Variants in KPNA1 observed in about 807,000 individuals in gnomAD.
KPNA1 encodes importin subunit alpha-5.
In KPNA1, 10 loss-of-function variants were observed where a neutral mutation model predicts 70.5. That is an observed-to-expected ratio of 0.14 (90% CI 0.09 to 0.24). KPNA1 has a LOEUF of 0.24. KPNA1 is among the 10% of genes least tolerant of loss of function. The probability of loss-of-function intolerance (pLI) is 1.00; values close to 1 mark genes in which losing one functional copy is unlikely to be tolerated. For synonymous variants in KPNA1, 192 were observed against 221.9 expected, an observed-to-expected ratio of 0.87 and a Z score of 1.20; for missense variants, 397 against 637.9, an observed-to-expected ratio of 0.62 and a Z score of 4.07.
intron 1 of KPNA1, among the ~76,000 whole-genome samples, chr3:122,502,714 T>C (rs2076842566): frequency 6.6e-6 from 1 of 151,946 alleles, no homozygotes; most frequent in African/African-American, 2.4e-5. Flanking sequence ...TATTTAAAGG[T>C]GATGAAAAAT....
intron 9 of KPNA1, among the ~76,000 whole-genome samples, chr3:122,445,810 A>G (rs921763340): frequency 6.6e-6 from 1 of 152,180 alleles, no homozygotes; most frequent in Non-Finnish European, 1.5e-5. Context: ...GGCTCAAAAT[A>G]AAGGGATGGA....
intron 2 of KPNA1, among the ~76,000 whole-genome samples, chr3:122,491,964 C>T (rs867140775): frequency 6.7e-6 from 1 of 149,350 alleles, no homozygotes; most frequent in Non-Finnish European, 1.5e-5. Context: ...CGGGTTCACG[C>T]CATTCTCCTG....
rs1265244880 is a variant in KPNA1 at position 122,467,411 on chromosome 3, C to T, written c.148G>A (p.Val50Ile). The T allele has an allele frequency of 1.6e-5, 26 of 1,606,348 alleles. 1 individual carries two copies. The highest frequency in any genetic ancestry group is 2.2e-5 in the Non-Finnish European group (26 of 1,174,676). ...REEQLFKRRN[V>I]ATAEEETEEE... is the part of the protein sequence containing the mutation. ...TCTGTTTCTTCTTCTGCTGTAGCAA[C>T]ATTTCTCCGCTTGAATAACTGAAAG... Residue 50 changes from valine to isoleucine, a missense_variant, in exon 3 of 14, where the codon GTT (valine) becomes ATT (isoleucine). Physicochemically the swap from Val to Ile is conservative, Grantham distance 29. Transcript: ENST00000344337.
At chr3:122,496,172 T>C (rs72960415) in intron 2 of KPNA1, among the ~76,000 whole-genome samples, 2,514 of 152,208 alleles carry the variant, frequency 0.017, 69 homozygotes, top group African/African-American at 0.058. Context: ...TAAAATACAC[T>C]AAACACAAAT....
At chr3:122,468,734 C>G (rs2076409170) in intron 2 of KPNA1, among the ~76,000 whole-genome samples, 1 of 151,978 alleles carries the variant, frequency 6.6e-6, no homozygotes, top group Admixed American at 6.6e-5. Flanking sequence ...AACAGATAGG[C>G]AATGTAAGGA....
intron 9 of KPNA1, 63 bp from the exon 10 acceptor site, chr3:122,442,179 G>C (rs758311485): frequency 5.2e-6 from 7 of 1,355,098 alleles, no homozygotes; most frequent in Non-Finnish European, 7.3e-6. Flanking sequence ...TTCCTTCCAA[G>C]ACCAAAATTA....
At chr3:122,452,717 A>AGGAGGGAAGGAGAGAC (rs1256424153) in intron 6 of KPNA1, among the ~76,000 whole-genome samples, 7 of 110,198 alleles carry the variant, frequency 6.4e-5, no homozygotes, top group East Asian at 4.7e-4. Context: ...GACGGAGGGA[A>AGGAGGGAAGGAGAGAC]GGAGGGAAGG....
At position 122,467,432 on chromosome 3, in the gene KPNA1, GA is replaced by G. The variant is rs777941848; in HGVS notation, c.130-4del. 6.3e-7 allele frequency: 1 copy of G among 1,579,940 alleles called. No individual in the cohort carries two copies. Among genetic ancestry groups the G allele is most frequent in the Non-Finnish European group, 8.7e-7 (1 of 1,152,158 alleles). On this transcript the variant is annotated splice_region_variant and splice_polypyrimidine_tract_variant and intron_variant, in intron 2 of 13. Coordinates refer to ENST00000344337, the MANE Select transcript of KPNA1 (RefSeq NM_002264.4). Reference sequence around the variant, plus strand: ...GCAACATTTCTCCGCTTGAATAACTGAAAGATAAAAGATTGGTAGCAATGTA... The same window carrying G: ...GCAACATTTCTCCGCTTGAATAACTGAAGATAAAAGATTGGTAGCAATGTA...
intron 5 of KPNA1, chr3:122,459,854 A>T: frequency 1.0e-6 from 1 of 985,498 alleles, no homozygotes; most frequent in African/African-American, 1.7e-5. Context: ...AAGAAGGGAT[A>T]GGAGGAAAGG....
chr3:122,462,457 C>T (rs2076334778), intron 4 of KPNA1, among the ~76,000 whole-genome samples: 1 of 151,988 alleles, frequency 6.6e-6, no homozygotes, highest in Admixed American at 6.5e-5. Flanking sequence ...AAGAAGGTAA[C>T]CTCTCACCAT....
intron 1 of KPNA1, among the ~76,000 whole-genome samples, chr3:122,513,134 C>T (rs764530503): frequency 6.6e-6 from 1 of 152,130 alleles, no homozygotes; most frequent in Non-Finnish European, 1.5e-5. Context: ...ATTTAAATGG[C>T]AGTAACTTTG....
rs185659718 is a variant in KPNA1 at position 122,427,924 on chromosome 3, C to T, written c.1251-208G>A. ...ATTATCCCAAACCAGTTCTCTGGCA[C>T]CTTTCTCCATTCTTTTCTCTTCACA... On this transcript the variant is annotated intron_variant, in intron 12 of 13. Coordinates refer to ENST00000344337, the MANE Select transcript of KPNA1 (RefSeq NM_002264.4). Among the ~76,000 whole-genome samples, 164 of 152,208 alleles carry T rather than the reference C, an allele frequency of 1.1e-3. 1 individual carries two copies. Among genetic ancestry groups the T allele is most frequent in the Non-Finnish European group, 1.9e-3 (126 of 68,014 alleles).
chr3:122,463,513 C>CT lies in KPNA1; in HGVS notation c.337+428dup, dbSNP rs1210789509. Among the ~76,000 whole-genome samples the CT allele has an allele frequency of 1.2e-3, 171 of 144,272 alleles. 2 individuals carry two copies. Among genetic ancestry groups the CT allele is most frequent in the African/African-American group, 3.8e-3 (151 of 39,518 alleles). The allele number at this position is 144,272 out of a possible 152,430, so 94.6% of individuals were successfully genotyped here. ...CACTCCAGACTGGCAACAGAGCCGT[C>CT]TTTAAAAAAAAAAAAAAAGGTAATC... On this transcript the variant is annotated intron_variant, in intron 4 of 13. Coordinates refer to ENST00000344337, the MANE Select transcript of KPNA1 (RefSeq NM_002264.4).
chr3:122,513,868 C>G (rs994296003), intron 1 of KPNA1, among the ~76,000 whole-genome samples: 1 of 152,204 alleles, frequency 6.6e-6, no homozygotes, highest in Non-Finnish European at 1.5e-5. Context: ...AGTTGGAGTA[C>G]AGCCTGGGCA....
intron 9 of KPNA1, 50 bp from the exon 10 acceptor site, chr3:122,442,166 C>T: frequency 7.0e-7 from 1 of 1,420,094 alleles, no homozygotes; most frequent in East Asian, 2.3e-5. Context: ...TCCTTAGTTT[C>T]ATTTCCTTCC....
chr3:122,484,659 A>T (rs1219487174), intron 2 of KPNA1, among the ~76,000 whole-genome samples: 1 of 151,576 alleles, frequency 6.6e-6, no homozygotes, highest in Non-Finnish European at 1.5e-5. Flanking sequence ...AAATAATAAT[A>T]AAAAAAATAA....
At chr3:122,446,477 A>G (rs1014378365) in intron 9 of KPNA1, among the ~76,000 whole-genome samples, 1 of 152,166 alleles carries the variant, frequency 6.6e-6, no homozygotes, top group Non-Finnish European at 1.5e-5. Context: ...AAACCAATGA[A>G]AACAAAGACA....
chr3:122,462,781 T>C (rs1012052032), intron 4 of KPNA1, among the ~76,000 whole-genome samples: 1 of 152,188 alleles, frequency 6.6e-6, no homozygotes, highest in South Asian at 2.1e-4. Context: ...TAAATTTTTT[T>C]AAATCACTAA....
At chr3:122,464,480 C>T (rs1194727781) in intron 3 of KPNA1, among the ~76,000 whole-genome samples, 2 of 152,152 alleles carry the variant, frequency 1.3e-5, no homozygotes, top group African/African-American at 4.8e-5. Context: ...TGTGTTCCTC[C>T]AGTATACTGT....
Sources: gnomAD v4.1 joint callset for allele counts (sites outside exome capture counted in the v4.1 genomes callset) on GRCh38, gnomAD v4.1.1 for gene constraint, MANE v1.5 for transcripts, NCBI Gene and HGNC (gene_info 2026-07-23, HGNC 2026-07-21) for gene names.